Variants in CDIN1 observed in about 807,000 individuals in gnomAD.
CDIN1 encodes the protein CDAN1 interacting nuclease 1, also known as CDAN1-interacting nuclease 1.
CDIN1 carries 33 observed loss-of-function variants against 45.3 expected under a neutral mutation model. The ratio of observed to expected loss-of-function variants is 0.73; its 90% CI spans 0.55 to 0.97. The LOEUF is 0.97. CDIN1 is among the 50% of genes least tolerant of loss of function. CDIN1 has a pLI of 0.00. For missense variants in CDIN1, 303 were observed against 339.4 expected (o/e 0.89, Z 0.84); for synonymous variants, 118 against 124.4 (o/e 0.95, Z 0.34).
intron 10 of CDIN1, among the ~76,000 whole-genome samples, chr15:36,750,095 G>C (rs144051902): frequency 1.3e-4 from 20 of 152,084 alleles, no homozygotes; most frequent in African/African-American, 4.6e-4. Context: ...GTTCGCGGTG[G>C]TGGTGTGGTG....
chr15:36,592,410 T>C (rs1005570912), intron 1 of CDIN1, among the ~76,000 whole-genome samples: 2 of 152,220 alleles, frequency 1.3e-5, no homozygotes, highest in Non-Finnish European at 2.9e-5. Context: ...CAAAGGCAGT[T>C]GTTAAGCCTC....
At chr15:36,774,785 T>C (rs4924098) in intron 10 of CDIN1, among the ~76,000 whole-genome samples, 1 of 152,030 alleles carries the variant, frequency 6.6e-6, no homozygotes, top group Non-Finnish European at 1.5e-5. Flanking sequence ...CAAAGTGAGA[T>C]ACAAAAAGAA....
At chr15:36,764,471 T>C (rs1159468545) in intron 10 of CDIN1, among the ~76,000 whole-genome samples, 1 of 152,200 alleles carries the variant, frequency 6.6e-6, no homozygotes, top group Admixed American at 6.5e-5. Flanking sequence ...AGGTATTTAG[T>C]AGGCAAGAAA....
intron 1 of CDIN1, among the ~76,000 whole-genome samples, chr15:36,603,391 T>C (rs1386215053): frequency 6.6e-6 from 1 of 152,196 alleles, no homozygotes; most frequent in East Asian, 1.9e-4. Context: ...GAGTGGTAGC[T>C]CAATTTAGGA....
At chr15:36,690,544 A>G (rs2042211477) in intron 5 of CDIN1, among the ~76,000 whole-genome samples, 1 of 152,292 alleles carries the variant, frequency 6.6e-6, no homozygotes, top group South Asian at 2.1e-4. Context: ...CTGGGATTAC[A>G]GACGTGAGCC....
intron 10 of CDIN1, among the ~76,000 whole-genome samples, chr15:36,760,638 A>G (rs1808369622): frequency 6.6e-6 from 1 of 152,148 alleles, no homozygotes; most frequent in African/African-American, 2.4e-5. Flanking sequence ...TCCCAACTCC[A>G]TCCCGCACCT....
At chr15:36,665,250 G>A (rs1203266128) in intron 5 of CDIN1, among the ~76,000 whole-genome samples, 23 of 152,156 alleles carry the variant, frequency 1.5e-4, no homozygotes, top group Non-Finnish European at 5.9e-5. Flanking sequence ...AATATTAACG[G>A]TAATGATTGT....
At chr15:36,643,751 C>T (rs943437673) in intron 1 of CDIN1, among the ~76,000 whole-genome samples, 4 of 152,170 alleles carry the variant, frequency 2.6e-5, no homozygotes, top group Non-Finnish European at 4.4e-5. Context: ...CTTGTATTTT[C>T]ATAGCACGCC....
intron 10 of CDIN1, among the ~76,000 whole-genome samples, chr15:36,770,389 G>T (rs1033341675): frequency 3.3e-5 from 5 of 151,276 alleles, no homozygotes; most frequent in Non-Finnish European, 2.9e-5. Context: ...GGGAGAGGGA[G>T]AATTCAATCT....
chr15:36,721,347 G>A (rs1457852381), intron 10 of CDIN1, among the ~76,000 whole-genome samples: 2 of 152,008 alleles, frequency 1.3e-5, no homozygotes, highest in Non-Finnish European at 2.9e-5. Context: ...GCACTGTTGT[G>A]GCTGTATCTC....
intron 8 of CDIN1, 65 bp from the exon 9 acceptor site, chr15:36,709,154 AAAAC>A: frequency 7.5e-7 from 1 of 1,337,566 alleles, no homozygotes; most frequent in Non-Finnish European, 1.0e-6. Flanking sequence ...TTAAGAAATA[AAAAC>A]AAATATATTC....
intron 1 of CDIN1, among the ~76,000 whole-genome samples, chr15:36,605,056 G>A (rs772936726): frequency 4.7e-4 from 72 of 152,230 alleles, no homozygotes; most frequent in Non-Finnish European, 8.1e-4. Flanking sequence ...TTTAACTACT[G>A]TTTAATGATG....
intron 1 of CDIN1, among the ~76,000 whole-genome samples, chr15:36,584,559 G>A (rs1595703391): frequency 6.6e-6 from 1 of 152,202 alleles, no homozygotes; most frequent in African/African-American, 2.4e-5. Context: ...TTATTTTACA[G>A]TAATTTGTAT....
intron 1 of CDIN1, chr15:36,594,871 T>G (rs1432749095): frequency 1.0e-6 from 1 of 985,380 alleles, no homozygotes; most frequent in East Asian, 1.1e-4. Context: ...TGTTTGGCTC[T>G]TTAATACCAC....
intron 1 of CDIN1, among the ~76,000 whole-genome samples, chr15:36,603,748 G>A (rs570969985): frequency 7.9e-4 from 121 of 152,212 alleles, no homozygotes; most frequent in African/African-American, 2.8e-3. Flanking sequence ...CTGTAGAGTT[G>A]GAGGAATCAC....
intron 1 of CDIN1, among the ~76,000 whole-genome samples, chr15:36,600,762 A>G (rs970326094): frequency 3.9e-5 from 6 of 152,210 alleles, no homozygotes; most frequent in African/African-American, 7.2e-5. Context: ...GGGACCATTT[A>G]TACCAGGAGA....
At chr15:36,739,975 T>TAGCA (rs971897792) in intron 10 of CDIN1, among the ~76,000 whole-genome samples, 5 of 152,348 alleles carry the variant, frequency 3.3e-5, no homozygotes, top group Non-Finnish European at 7.3e-5. Context: ...CCACATTGCT[T>TAGCA]AGCAAAAACA....
intron 1 of CDIN1, among the ~76,000 whole-genome samples, chr15:36,633,542 A>C (rs1347915305): frequency 6.6e-6 from 1 of 152,136 alleles, no homozygotes; most frequent in African/African-American, 2.4e-5. Flanking sequence ...ACATTTATCT[A>C]TGCTGATACC....
chr15:36,707,303 A>C (rs1205882136), intron 8 of CDIN1: 1 of 152,020 alleles, frequency 6.6e-6, no homozygotes, highest in Non-Finnish European at 1.5e-5. Flanking sequence ...GGGAGGGAGA[A>C]AGAGAGACAG....
Sources: allele counts gnomAD v4.1 joint callset (sites outside exome capture counted in the v4.1 genomes callset), GRCh38; gene constraint gnomAD v4.1.1; transcripts MANE v1.5; gene names NCBI Gene and HGNC (gene_info 2026-07-23, HGNC 2026-07-21).